Variants in DSCAML1 observed in about 807,000 individuals in gnomAD.
DSCAML1 encodes DS cell adhesion molecule like 1.
DSCAML1 carries 38 observed loss-of-function variants against 200.5 expected under a neutral mutation model. That is an observed-to-expected ratio of 0.19 (90% CI 0.15 to 0.25). DSCAML1 has a LOEUF of 0.25. DSCAML1 is among the 10% of genes least tolerant of loss of function. The pLI is 1.00. For synonymous variants in DSCAML1, 1,215 were observed against 1,165.0 expected (o/e 1.04, Z -0.87); for missense variants, 2,223 against 2,858.8 (o/e 0.78, Z 5.07).
In DSCAML1 at chr11:117,437,172, G is replaced by A; in HGVS notation, c.4670C>T (p.Ala1557Val). 1.9e-6 allele frequency: 3 copies of A among 1,614,142 alleles called. No individual in the cohort carries two copies. Among genetic ancestry groups the A allele is most frequent in the African/African-American group, 2.7e-5 (2 of 75,032 alleles). ...CTGGGCTGTTTCATTGCCGCAGCCCGCACTGTTGCAAGCCCTCATGCGCAG... is the reference window on the plus strand; with the variant it reads ...CTGGGCTGTTTCATTGCCGCAGCCCACACTGTTGCAAGCCCTCATGCGCAG... Reference protein sequence around the residue: ...YELRMRACNSAGCGNETAQFA... With the variant: ...YELRMRACNSVGCGNETAQFA... The change falls in exon 26 of 33, where the codon GCG (alanine) becomes GTG (valine). Residue 1557 changes from alanine to valine, a missense_variant. By Grantham distance (64) the Ala-to-Val change is moderately conservative. Coordinates refer to ENST00000651296, the MANE Select transcript of DSCAML1 (RefSeq NM_020693.4). This position sits in a 1 kb window ranked among gnomAD's most constrained non-coding sequence, Gnocchi z 5.3.
chr11:117,740,875 A>T (rs2054409856), intron 3 of DSCAML1, among the ~76,000 whole-genome samples: 1 of 152,246 alleles, frequency 6.6e-6, no homozygotes, highest in Non-Finnish European at 1.5e-5. Context: ...GGGGTTGGCT[A>T]AGCCAGACCA....
At position 117,480,143 on chromosome 11, in the gene DSCAML1, C is replaced by T. The variant is rs2048881220; in HGVS notation, c.2785+300G>A. On this transcript the variant is annotated intron_variant, in intron 14 of 32. Transcript: ENST00000651296. The surrounding 1 kb of genome is among the most constrained non-coding windows in gnomAD (Gnocchi z 4.1). ...ACAGCCCACAGCCCTGGGTTCAGTG[C>T]CCTTACATGGCTTCAAATCAGACCA... is the stretch of plus-strand genomic sequence containing the variant. Among the ~76,000 whole-genome samples the T allele has an allele frequency of 6.6e-6, 1 of 152,196 alleles. No homozygotes were observed. The highest frequency in any genetic ancestry group is 2.4e-5 in the African/African-American group (1 of 41,442).
At chr11:117,443,114 A>G (rs1260023505) in intron 21 of DSCAML1, among the ~76,000 whole-genome samples, 7 of 152,140 alleles carry the variant, frequency 4.6e-5, no homozygotes, top group African/African-American at 1.4e-4. Flanking sequence ...GCGGTGGATA[A>G]GAGAGTGGGG....
At chr11:117,786,386 A>G (rs1288956548) in intron 1 of DSCAML1, among the ~76,000 whole-genome samples, 1 of 152,238 alleles carries the variant, frequency 6.6e-6, no homozygotes, top group African/African-American at 2.4e-5. Context: ...AGAAGTGTGG[A>G]AATAGCACAG....
rs572526226 is a variant in DSCAML1 at position 117,428,145 on chromosome 11, A to C, written c.*183T>G. 1.9e-6 allele frequency: 1 copy of C among 537,346 alleles called. No individual in the cohort carries two copies. Among genetic ancestry groups the C allele is most frequent in the African/African-American group, 2.0e-5 (1 of 49,486 alleles). 33.3% of individuals were successfully genotyped at this position (537,346 alleles called of 1,614,324 possible). On this transcript the variant is annotated 3_prime_UTR_variant, in exon 33 of 33. Coordinates refer to ENST00000651296, the MANE Select transcript of DSCAML1 (RefSeq NM_020693.4). ...TTGTGCCCTGGCTTCATGGAGAAGA[A>C]GAAAATAGTTTCATTTGTACAAAAG...
At chr11:117,614,326 G>A (rs548101388) in intron 3 of DSCAML1, among the ~76,000 whole-genome samples, 1 of 152,200 alleles carries the variant, frequency 6.6e-6, no homozygotes, top group Non-Finnish European at 1.5e-5. Context: ...TATGTAGGTA[G>A]AGTGCTATAT....
rs1201985567 is a variant in DSCAML1, at chr11:117,569,440, GAGATGGGATTTTTGTA to G, written c.512-36934_512-36919del. Among the ~76,000 whole-genome samples the G allele has an allele frequency of 6.6e-5, 10 of 152,246 alleles. No homozygotes were observed. In the South Asian group the frequency reaches 1.9e-3, roughly 28 times the overall value. Reference sequence around the variant, plus strand: ...AGAGATGGGATTTTTGTATTTCATAGAGATGGGATTTTTGTATTTTGTGTAGAGGTGGGATTTCGTC... The same window carrying G: ...AGAGATGGGATTTTTGTATTTCATAGTTTTGTGTAGAGGTGGGATTTCGTC... On this transcript the variant is annotated intron_variant, in intron 3 of 32. Transcript: ENST00000651296.
At chr11:117,734,911 G>T (rs2054291510) in intron 3 of DSCAML1, among the ~76,000 whole-genome samples, 1 of 152,200 alleles carries the variant, frequency 6.6e-6, no homozygotes. Context: ...GGGCGGAGCT[G>T]CTGCTGTTTG....
intron 3 of DSCAML1, among the ~76,000 whole-genome samples, chr11:117,676,336 G>A (rs539548264): frequency 7.9e-5 from 12 of 152,262 alleles, no homozygotes; most frequent in East Asian, 1.9e-4. Flanking sequence ...TAAGGAAAGC[G>A]TTTGGACCAG....
intron 1 of DSCAML1, among the ~76,000 whole-genome samples, chr11:117,810,132 C>T (rs985641103): frequency 3.2e-4 from 49 of 152,052 alleles, no homozygotes; most frequent in Non-Finnish European, 1.0e-4. Flanking sequence ...TCAATCTTGG[C>T]GCCACACTTC....
At chr11:117,443,095 G>A (rs1346559101) in intron 21 of DSCAML1, among the ~76,000 whole-genome samples, 1 of 152,184 alleles carries the variant, frequency 6.6e-6, no homozygotes, top group Non-Finnish European at 1.5e-5. Context: ...ACCTCCTCTC[G>A]TCTGGGCTGC....
At chr11:117,622,578 C>T (rs981356718) in intron 3 of DSCAML1, among the ~76,000 whole-genome samples, 1 of 152,164 alleles carries the variant, frequency 6.6e-6, no homozygotes, top group African/African-American at 2.4e-5. Flanking sequence ...TTCTGGGGCT[C>T]TCACTCCACT....
At chr11:117,490,130 A>AGAGCC (rs757588249) in intron 11 of DSCAML1, among the ~76,000 whole-genome samples, 6 of 152,140 alleles carry the variant, frequency 3.9e-5, no homozygotes, top group Non-Finnish European at 5.9e-5. Flanking sequence ...GAAAGGCACC[A>AGAGCC]GAGCCGTAGA....
At chr11:117,617,680 G>GCGCACACACACACA (rs1395796967) in intron 3 of DSCAML1, among the ~76,000 whole-genome samples, 9 of 143,014 alleles carry the variant, frequency 6.3e-5, no homozygotes, top group African/African-American at 2.4e-4. Context: ...ACAGGTACAC[G>GCGCACACACACACA]CACACACACA....
At chr11:117,648,098 C>A (rs971205116) in intron 3 of DSCAML1, among the ~76,000 whole-genome samples, 1 of 152,260 alleles carries the variant, frequency 6.6e-6, no homozygotes, top group African/African-American at 2.4e-5. Flanking sequence ...GCACCGCCCT[C>A]TCCCAAATCC....
intron 1 of DSCAML1, among the ~76,000 whole-genome samples, chr11:117,794,037 C>G (rs929076614): frequency 5.3e-4 from 81 of 151,702 alleles, no homozygotes; most frequent in African/African-American, 1.9e-3. Context: ...CCATTGCCCC[C>G]CCCCCCTTTT....
intron 3 of DSCAML1, among the ~76,000 whole-genome samples, chr11:117,658,123 TC>T (rs1362791725): frequency 6.6e-6 from 1 of 151,950 alleles, no homozygotes; most frequent in African/African-American, 2.4e-5. Flanking sequence ...GTGACTGGAG[TC>T]ACAAGGCTGT....
intron 3 of DSCAML1, among the ~76,000 whole-genome samples, chr11:117,586,885 C>A (rs1428812407): frequency 1.3e-5 from 2 of 152,218 alleles, no homozygotes; most frequent in East Asian, 3.8e-4. Context: ...CTAGATCTGG[C>A]TTGCTCTGCA....
In DSCAML1 at chr11:117,482,097, T is replaced by G. The variant is rs1565726214; in HGVS notation, c.2425A>C (p.Asn809His). 1 of 1,614,168 alleles carries G rather than the reference T, an allele frequency of 6.2e-7. No homozygotes were observed. The highest frequency in any genetic ancestry group is 1.7e-5 in the Admixed American group (1 of 60,028). ...GGCCGCTCACCCCGTGCCGTGCAGTTTAGCTCCTTCGCATGGCCCTTGATG... is the reference window on the plus strand; with the variant it reads ...GGCCGCTCACCCCGTGCCGTGCAGTGTAGCTCCTTCGCATGGCCCTTGATG... ...IAIKGHAKEL[N>H]CTARGERPII... is the part of the protein sequence containing the mutation. The change falls in exon 12 of 33, where the codon AAC (asparagine) becomes CAC (histidine). Residue 809 changes from asparagine (N) to histidine (H), a missense_variant. Physicochemically the swap from Asn to His is moderately conservative, Grantham distance 68 (BLOSUM62 1). Around this residue, in one of 7 missense-constraint regions of DSCAML1, gnomAD observed 438 missense variants for 629.7 expected, o/e 0.70. Coordinates refer to ENST00000651296, the MANE Select transcript of DSCAML1 (RefSeq NM_020693.4).
Sources: allele counts gnomAD v4.1 joint callset (sites outside exome capture counted in the v4.1 genomes callset), GRCh38; gene constraint gnomAD v4.1.1; regional missense constraint gnomAD v4.1.1; non-coding constraint Gnocchi (gnomAD v3.1); transcripts MANE v1.5; gene names NCBI Gene and HGNC (gene_info 2026-07-23, HGNC 2026-07-21).